GNA12: variants seen among roughly 807,000 people sequenced by gnomAD.
GNA12 encodes the protein G protein subunit alpha 12.
A neutral mutation model predicts 26.0 loss-of-function variants in GNA12; 9 were observed. The ratio of observed to expected loss-of-function variants is 0.35; its 90% CI spans 0.21 to 0.60. The LOEUF (loss-of-function observed/expected upper bound fraction) is 0.60. GNA12 is among the 20% of genes least tolerant of loss of function. GNA12 has a pLI of 0.78. For synonymous variants in GNA12, 264 were observed against 219.6 expected (o/e 1.20, Z -1.79); for missense variants, 405 against 525.8 (o/e 0.77, Z 2.25).
intron 1 of GNA12, among the ~76,000 whole-genome samples, chr7:2,824,805 G>T (rs771791351): frequency 6.6e-6 from 1 of 152,198 alleles, no homozygotes; most frequent in Non-Finnish European, 1.5e-5. Context: ...GCTGCTCAAA[G>T]CGTAGCTGAG....
chr7:2,821,523 A>G (rs1583308685), intron 1 of GNA12, among the ~76,000 whole-genome samples: 1 of 152,242 alleles, frequency 6.6e-6, no homozygotes, highest in East Asian at 1.9e-4. Context: ...CAATGACTCT[A>G]TATAAGGAAG....
At chr7:2,737,774 A>C (rs1790283004) in intron 2 of GNA12, among the ~76,000 whole-genome samples, 1 of 152,254 alleles carries the variant, frequency 6.6e-6, no homozygotes, top group Non-Finnish European at 1.5e-5. Context: ...AAGTAACAGC[A>C]AACTATGCCA....
chr7:2,759,184 T>TAAAA (rs965007927), intron 2 of GNA12, among the ~76,000 whole-genome samples: 6 of 141,998 alleles, frequency 4.2e-5, no homozygotes, highest in Admixed American at 2.8e-4. Context: ...AATAAATAAA[T>TAAAA]AAATAAAATA....
chr7:2,741,225 C>A (rs1790485912), intron 2 of GNA12, among the ~76,000 whole-genome samples: 1 of 152,120 alleles, frequency 6.6e-6, no homozygotes, highest in Admixed American at 6.5e-5. Flanking sequence ...TGGCGGCACG[C>A]ACACCTGTGG....
chr7:2,745,027 C>G (rs904879070), intron 2 of GNA12, among the ~76,000 whole-genome samples: 1 of 152,128 alleles, frequency 6.6e-6, no homozygotes, highest in Non-Finnish European at 1.5e-5. Context: ...TGTGAAAAGA[C>G]CAAATCTACA....
chr7:2,768,691 A>ACAAC (rs1554258742), intron 2 of GNA12, among the ~76,000 whole-genome samples: 3 of 142,590 alleles, frequency 2.1e-5, no homozygotes, highest in East Asian at 3.9e-4. Flanking sequence ...ACAAAACAAA[A>ACAAC]AAAAAAACAG....
chr7:2,765,876 C>T (rs1290605914), intron 2 of GNA12, among the ~76,000 whole-genome samples: 11 of 83,932 alleles, frequency 1.3e-4, no homozygotes, highest in African/African-American at 3.9e-4. Flanking sequence ...TGATCCAGGG[C>T]CCCCCTCCCC....
intron 1 of GNA12, among the ~76,000 whole-genome samples, chr7:2,795,344 C>T (rs1054282144): frequency 3.3e-5 from 5 of 152,134 alleles, no homozygotes; most frequent in East Asian, 1.9e-4. Context: ...CCAAGACAGA[C>T]GCACATGGCC....
intron 1 of GNA12, among the ~76,000 whole-genome samples, chr7:2,827,388 G>T (rs1022954326): frequency 1.2e-4 from 19 of 152,178 alleles, no homozygotes; most frequent in Non-Finnish European, 1.9e-4. Context: ...TATGGTATGT[G>T]AATTTTACCT....
intron 2 of GNA12, among the ~76,000 whole-genome samples, chr7:2,757,025 G>A (rs1791330856): frequency 6.6e-6 from 1 of 151,812 alleles, no homozygotes; most frequent in African/African-American, 2.4e-5. Flanking sequence ...AGTGAACCGT[G>A]ATTGTGCCAG....
At chr7:2,798,250 T>C (rs1792727119) in intron 1 of GNA12, among the ~76,000 whole-genome samples, 1 of 152,102 alleles carries the variant, frequency 6.6e-6, no homozygotes, top group African/African-American at 2.4e-5. Flanking sequence ...CTAAACCCAT[T>C]TGCAGATAAA....
chr7:2,834,731 T>C (rs1778779928), intron 1 of GNA12, among the ~76,000 whole-genome samples: 2 of 152,238 alleles, frequency 1.3e-5, no homozygotes, highest in East Asian at 3.8e-4. Context: ...GCACGTTTTC[T>C]ATGTTTAGAT....
At chr7:2,772,485 A>G (rs930539385) in intron 2 of GNA12, among the ~76,000 whole-genome samples, 2 of 151,888 alleles carry the variant, frequency 1.3e-5, no homozygotes, top group African/African-American at 2.4e-5. Flanking sequence ...GCGTGAACCC[A>G]GGAGGCGGAG....
In GNA12 at chr7:2,762,513, G is replaced by A. The variant is rs76496990; in HGVS notation, c.526-29012C>T. 3,851 of 981,470 alleles carry A rather than the reference G, an allele frequency of 3.9e-3. 124 individuals are homozygous for A. In the African/African-American group the frequency reaches 0.059, roughly 15 times the overall value. The allele number at this position is 981,470 out of a possible 1,614,324, so 60.8% of individuals were successfully genotyped here. On this transcript the variant is annotated intron_variant, in intron 2 of 3. Coordinates refer to ENST00000275364, the MANE Select transcript of GNA12 (RefSeq NM_007353.3). Reference sequence around the variant, plus strand: ...CTGAGGTGTGAGTAGCCTAACTGTGGACTACAAAAGCAGTTCCACCACGCC... The same window carrying A: ...CTGAGGTGTGAGTAGCCTAACTGTGAACTACAAAAGCAGTTCCACCACGCC...
Position 2,762,950 on chromosome 7 carries a change from C to T in GNA12, c.526-29449G>A, listed in dbSNP as rs1791637279. On this transcript the variant is annotated intron_variant, in intron 2 of 3. Transcript: ENST00000275364. ...ACGCCCCAGACACTCCCGTGGGGCC[C>T]GTGCCAGGGTCTCCTGCTCCTCAGA... The T allele has an allele frequency of 4.4e-6, 6 of 1,366,644 alleles. No individual in the cohort carries two copies. The African/African-American group carries it at 6.0e-5, about 14-fold the overall frequency. 84.7% of individuals were successfully genotyped at this position (1,366,644 alleles called of 1,614,324 possible).
intron 2 of GNA12, among the ~76,000 whole-genome samples, chr7:2,786,179 A>C (rs1165786446): frequency 6.6e-6 from 1 of 152,214 alleles, no homozygotes; most frequent in Non-Finnish European, 1.5e-5. Context: ...CTACATGCAC[A>C]CGCTCACCAA....
intron 2 of GNA12, among the ~76,000 whole-genome samples, chr7:2,773,282 G>A (rs1791993231): frequency 6.6e-6 from 1 of 152,178 alleles, no homozygotes; most frequent in African/African-American, 2.4e-5. Context: ...AAATAAACAA[G>A]GCTGGGGGCG....
chr7:2,802,054 A>C (rs1425008655), intron 1 of GNA12, among the ~76,000 whole-genome samples: 1 of 152,148 alleles, frequency 6.6e-6, no homozygotes, highest in African/African-American at 2.4e-5. Context: ...TGAAAGACCA[A>C]TTTTCTAAAA....
chr7:2,761,415 G>A (rs973144948), intron 2 of GNA12, among the ~76,000 whole-genome samples: 1 of 152,232 alleles, frequency 6.6e-6, no homozygotes, highest in Non-Finnish European at 1.5e-5. Context: ...TCCCAAGGAC[G>A]GCTGACTTCA....
Sources: gnomAD v4.1 joint callset for allele counts (sites outside exome capture counted in the v4.1 genomes callset) on GRCh38, gnomAD v4.1.1 for gene constraint, MANE v1.5 for transcripts, NCBI Gene and HGNC (gene_info 2026-07-23, HGNC 2026-07-21) for gene names.